The following ABLIM2 variants were observed in gnomAD, a reference collection of about 807,000 sequenced individuals.
ABLIM2 encodes actin binding LIM protein family member 2.
ABLIM2 carries 53 observed loss-of-function variants against 97.7 expected under a neutral mutation model. That is an observed-to-expected ratio of 0.54 (90% confidence interval 0.44 to 0.68). The LOEUF (loss-of-function observed/expected upper bound fraction) is 0.68. Among genes scored for constraint, ABLIM2 ranks in the 30% least tolerant of loss-of-function variants. The pLI is 0.00. For missense variants in ABLIM2, 835 were observed against 867.2 expected, an observed-to-expected ratio of 0.96 and a Z score of 0.47; for synonymous variants, 361 against 345.8, an observed-to-expected ratio of 1.04 and a Z score of -0.49.
intron 1 of ABLIM2, among the ~76,000 whole-genome samples, chr4:8,110,277 A>C (rs1839668071): frequency 6.6e-6 from 1 of 152,320 alleles, no homozygotes; most frequent in South Asian, 2.1e-4. Flanking sequence ...GACAAGGGAG[A>C]GGTTCACGCT....
intron 9 of ABLIM2, among the ~76,000 whole-genome samples, chr4:8,038,472 G>C (rs776374381): frequency 6.6e-6 from 1 of 152,156 alleles, no homozygotes; most frequent in Non-Finnish European, 1.5e-5. Flanking sequence ...TGGCCTTCCT[G>C]TTCCTGGCAG....
intron 3 of ABLIM2, among the ~76,000 whole-genome samples, chr4:8,092,511 G>A (rs1017503059): frequency 6.6e-6 from 1 of 152,176 alleles, no homozygotes; most frequent in Non-Finnish European, 1.5e-5. Flanking sequence ...TTTACAGAGG[G>A]TTAGTCTTAA....
In ABLIM2 at chr4:8,140,860, G is replaced by A. The variant is rs1016644609; in HGVS notation, c.10+17820C>T. Among the ~76,000 whole-genome samples the A allele has an allele frequency of 1.3e-5, 2 of 152,188 alleles. No individual in the cohort carries two copies. Among genetic ancestry groups the A allele is most frequent in the African/African-American group, 4.8e-5 (2 of 41,436 alleles). On this transcript the variant is annotated intron_variant, in intron 1 of 20. Transcript: ENST00000447017. The surrounding 1 kb of genome is among the most constrained non-coding windows in gnomAD (Gnocchi z 5.9). Reference sequence around the variant, plus strand: ...GGAGGTGGCTGCCAAGAAGAGCTATGAAGAATTAGAAGCTGGACCAATGCA... The same window carrying A: ...GGAGGTGGCTGCCAAGAAGAGCTATAAAGAATTAGAAGCTGGACCAATGCA...
intron 2 of ABLIM2, among the ~76,000 whole-genome samples, chr4:8,097,919 G>T (rs1004541561): frequency 6.6e-6 from 1 of 152,166 alleles, no homozygotes; most frequent in Non-Finnish European, 1.5e-5. Flanking sequence ...GAAGCACTTT[G>T]TCTCTTTTCC....
chr4:8,075,181 G>A lies in ABLIM2; in HGVS notation c.675+2447C>T, dbSNP rs78747998. Among the ~76,000 whole-genome samples, 154 of 152,214 alleles carry A rather than the reference G, an allele frequency of 1.0e-3. 2 individuals carry two copies. In the East Asian group the frequency reaches 0.025, roughly 25 times the overall value. On this transcript the variant is annotated intron_variant, in intron 6 of 20. Transcript: ENST00000447017. The surrounding 1 kb of genome is among the most constrained non-coding windows in gnomAD (Gnocchi z 4.4). ...AACATCAAGCTATGTGAAAGAAGCCGGTCATGAAAGACTACATATTTCATG... is the reference window on the plus strand; with the variant it reads ...AACATCAAGCTATGTGAAAGAAGCCAGTCATGAAAGACTACATATTTCATG...
rs1752096045 is a variant in ABLIM2 at position 7,994,815 on chromosome 4, A to T, written c.1619-1888T>A. 3.4e-5 allele frequency among the ~76,000 whole-genome samples: 4 copies of T among 118,798 alleles called. No homozygotes were observed. In the South Asian group the frequency reaches 1.2e-3, roughly 36 times the overall value. 77.9% of individuals were successfully genotyped at this position (118,798 alleles called of 152,430 possible). A position where few individuals can be genotyped will look rare whatever the true frequency, so the allele number is the denominator to read the frequency against. ...AAAAGCAATGGCAACAAAAGACAAAATTGACAAATGGGATCTAATTAAACT... is the reference window on the plus strand; with the variant it reads ...AAAAGCAATGGCAACAAAAGACAAATTTGACAAATGGGATCTAATTAAACT... On this transcript the variant is annotated intron_variant, in intron 16 of 20. Transcript: ENST00000447017.
Position 8,095,095 on chromosome 4 carries a change from TTTC to T in ABLIM2, c.338+2001_338+2003del, listed in dbSNP as rs1384920124. Among the ~76,000 whole-genome samples the T allele has an allele frequency of 2.6e-5, 4 of 151,650 alleles. No individual in the cohort carries two copies. In the East Asian group the frequency reaches 5.8e-4, roughly 22 times the overall value. On this transcript the variant is annotated intron_variant, in intron 3 of 20. Transcript: ENST00000447017. The surrounding 1 kb of genome is among the most constrained non-coding windows in gnomAD (Gnocchi z 4.7). ...CTTTCTCTCTCTCTCTCTTTCTTTC[TTTC>T]TCTTTCCTTTTCTTTCTTTTCTTTC... is the stretch of plus-strand genomic sequence containing the variant.
intron 14 of ABLIM2, among the ~76,000 whole-genome samples, chr4:8,018,126 T>C (rs1224752189): frequency 6.6e-6 from 1 of 152,178 alleles, no homozygotes; most frequent in African/African-American, 2.4e-5. Flanking sequence ...CAATGAACAA[T>C]TTCATAACCT....
chr4:8,099,641 C>T (rs982530572), intron 2 of ABLIM2, among the ~76,000 whole-genome samples: 9 of 152,096 alleles, frequency 5.9e-5, no homozygotes, highest in Non-Finnish European at 1.2e-4. Context: ...GTCAGGAGAT[C>T]GAGACCATCC....
intron 1 of ABLIM2, among the ~76,000 whole-genome samples, chr4:8,131,688 CG>C (rs1849407295): frequency 8.9e-6 from 1 of 111,988 alleles, no homozygotes; most frequent in African/African-American, 3.7e-5. Flanking sequence ...CACAGCAGCC[CG>C]CATCCCCAGC....
intron 20 of ABLIM2, among the ~76,000 whole-genome samples, chr4:7,969,705 T>G (rs777836078): frequency 2.8e-5 from 4 of 142,526 alleles, no homozygotes; most frequent in Non-Finnish European, 6.0e-5. Flanking sequence ...GGGCTCAGAG[T>G]CAGTCTCTCT....
rs963510386 is a variant in ABLIM2, at chr4:7,986,121, T to A, written c.1681-1228A>T. 6.6e-6 allele frequency among the ~76,000 whole-genome samples: 1 copy of A among 152,238 alleles called. No individual in the cohort carries two copies. The highest frequency in any genetic ancestry group is 1.5e-5 in the Non-Finnish European group (1 of 68,038). ...GGGGTCTCAAACGGGGTCAGGGCTC[T>A]CGGCCAGTGCTGCTGAAACTGGGTA... On this transcript the variant is annotated intron_variant, in intron 17 of 20. Coordinates refer to ENST00000447017, the MANE Select transcript of ABLIM2 (RefSeq NM_001130083.2). The surrounding 1 kb of genome is among the most constrained non-coding windows in gnomAD (Gnocchi z 4.3).
At chr4:8,158,601 G>T in intron 1 of ABLIM2, 79 bp downstream of exon 1, 1 of 1,475,494 alleles carries the variant, frequency 6.8e-7, no homozygotes, top group Non-Finnish European at 9.0e-7. Flanking sequence ...TGCAGGTGCA[G>T]CCTCCGAATG....
intron 12 of ABLIM2, among the ~76,000 whole-genome samples, chr4:8,025,717 G>A (rs1354872018): frequency 1.3e-5 from 2 of 152,196 alleles, no homozygotes; most frequent in Non-Finnish European, 2.9e-5. Flanking sequence ...GGGGAGCGGG[G>A]TGAGCCTGCC....
intron 1 of ABLIM2, among the ~76,000 whole-genome samples, chr4:8,110,754 G>A (rs1026899427): frequency 3.9e-5 from 6 of 152,318 alleles, no homozygotes; most frequent in African/African-American, 1.2e-4. Flanking sequence ...CCTCCGAGGC[G>A]TCCGGGGGCT....
At chr4:8,118,296 CTA>C (rs1158579154) in intron 1 of ABLIM2, among the ~76,000 whole-genome samples, 1 of 152,200 alleles carries the variant, frequency 6.6e-6, no homozygotes, top group Non-Finnish European at 1.5e-5. Flanking sequence ...ACACTCATGT[CTA>C]GAGGCCCTTG....
At chr4:7,984,792 C>A in intron 18 of ABLIM2, 47 bp downstream of exon 18, 1 of 1,532,448 alleles carries the variant, frequency 6.5e-7, no homozygotes, top group Non-Finnish European at 8.8e-7. Flanking sequence ...AATGTGTTAG[C>A]GACCCCTGCC....
chr4:8,101,078 C>T (rs1179836162), intron 2 of ABLIM2, among the ~76,000 whole-genome samples: 5 of 152,202 alleles, frequency 3.3e-5, no homozygotes, highest in Non-Finnish European at 5.9e-5. Context: ...GCTGTCCACC[C>T]GCTGCTATTT....
intron 9 of ABLIM2, among the ~76,000 whole-genome samples, chr4:8,039,881 T>TTTTTTG (rs1307383419): frequency 7.0e-6 from 1 of 141,856 alleles, no homozygotes; most frequent in Non-Finnish European, 1.5e-5. Flanking sequence ...ACTGTTTTTT[T>TTTTTTG]TTTTTTTTTT....
Sources: allele counts gnomAD v4.1 joint callset (sites outside exome capture counted in the v4.1 genomes callset), GRCh38; gene constraint gnomAD v4.1.1; non-coding constraint Gnocchi (gnomAD v3.1); transcripts MANE v1.5; gene names NCBI Gene and HGNC (gene_info 2026-07-23, HGNC 2026-07-21).